The following P4HA3 variants were observed in gnomAD, a reference collection of about 807,000 sequenced individuals.
P4HA3 encodes the protein prolyl 4-hydroxylase subunit alpha-3.
A neutral mutation model predicts 66.7 loss-of-function variants in P4HA3; 60 were observed. The ratio of observed to expected loss-of-function variants is 0.90; its 90% CI spans 0.73 to 1.12. The LOEUF (loss-of-function observed/expected upper bound fraction) is 1.12. Among genes scored for constraint, P4HA3 ranks in the 50% most tolerant of loss-of-function variants. P4HA3 has a pLI of 0.00. For missense variants in P4HA3, 683 were observed against 685.8 expected (o/e 1.00, Z 0.05); for synonymous variants, 263 against 274.6 (o/e 0.96, Z 0.42).
At chr11:74,274,821 C>T (rs892435890) in intron 9 of P4HA3, among the ~76,000 whole-genome samples, 2 of 152,118 alleles carry the variant, frequency 1.3e-5, no homozygotes, top group Non-Finnish European at 2.9e-5. Context: ...TGTATGAGAG[C>T]TTCAGTTCCT....
chr11:74,290,507 T>G (rs372382499), intron 4 of P4HA3, among the ~76,000 whole-genome samples: 5,369 of 150,154 alleles, frequency 0.036, 103 homozygotes, highest in Middle Eastern at 0.09. Context: ...TTTTAGACAT[T>G]AAGTCCTTGC....
downstream of P4HA3, among the ~76,000 whole-genome samples, chr11:74,265,091 T>G (rs998961253): frequency 2.6e-5 from 4 of 152,230 alleles, no homozygotes; most frequent in African/African-American, 7.2e-5. Flanking sequence ...GAGCATTAAA[T>G]ATTTAATGCA....
chr11:74,286,178 C>A, intron 6 of P4HA3, 50 bp downstream of exon 6: 1 of 1,581,714 alleles, frequency 6.3e-7, no homozygotes, highest in South Asian at 1.2e-5. Flanking sequence ...TCTAGCTTCT[C>A]AAACTCTAGC....
intron 4 of P4HA3, among the ~76,000 whole-genome samples, chr11:74,292,726 G>A (rs1177771557): frequency 1.3e-5 from 2 of 152,140 alleles, no homozygotes; most frequent in Non-Finnish European, 2.9e-5. Flanking sequence ...TCAGGAGCAG[G>A]TTGTTCAGTT....
chr11:74,273,998 T>C (rs916922670), intron 9 of P4HA3, among the ~76,000 whole-genome samples: 6 of 152,098 alleles, frequency 3.9e-5, no homozygotes, highest in Admixed American at 2.0e-4. Flanking sequence ...TGAAGAGACA[T>C]ACTCTTTTTT....
Position 74,286,317 on chromosome 11 carries a change from C to T in P4HA3, c.844G>A (p.Val282Ile), listed in dbSNP as rs1485263628. 6.2e-7 allele frequency: 1 copy of T among 1,609,016 alleles called. No individual in the cohort carries two copies. Among genetic ancestry groups the T allele is most frequent in the Non-Finnish European group, 8.5e-7 (1 of 1,178,086 alleles). Residue 282 changes from valine to isoleucine, a missense_variant, in exon 6 of 13, where the codon GTA (valine) becomes ATA (isoleucine). Physicochemically the swap from Val to Ile is conservative, Grantham distance 29 (BLOSUM62 3). Transcript: ENST00000331597. Reference sequence around the variant, plus strand: ...GGCCTCTGGATGACAGCCTCAGCTACCACGTGGTTGGGGCTCTCTGCCAAG... The same window carrying T: ...GGCCTCTGGATGACAGCCTCAGCTATCACGTGGTTGGGGCTCTCTGCCAAG... Reference protein sequence around the residue: ...RLLAESPNHVVAEAVIQRPNI... With the variant: ...RLLAESPNHVIAEAVIQRPNI...
intron 7 of P4HA3, among the ~76,000 whole-genome samples, chr11:74,281,922 AAAAT>A (rs1178991320): frequency 7.0e-6 from 1 of 143,094 alleles, no homozygotes; most frequent in Non-Finnish European, 1.5e-5. Context: ...AAAAAAATAA[AAAAT>A]AAATAAAATG....
rs759043538 is a variant in P4HA3 at position 74,285,895 on chromosome 11, T to C, written c.1024A>G (p.Ile342Val). 3 of 1,613,500 alleles carry C rather than the reference T, an allele frequency of 1.9e-6. No individual in the cohort carries two copies. The highest frequency in any genetic ancestry group is 2.5e-6 in the Non-Finnish European group (3 of 1,179,438). ...LLLQPIRKEV[I>V]HLEPYIALYH... ...AGAGCAATGTAGGGCTCCAGGTGGATGACCTCCTTCCGGATGGGCTGGAGC... is the reference window on the plus strand; with the variant it reads ...AGAGCAATGTAGGGCTCCAGGTGGACGACCTCCTTCCGGATGGGCTGGAGC... Residue 342 changes from isoleucine (I) to valine (V), a missense_variant, in exon 7 of 13, where the codon ATC (isoleucine) becomes GTC (valine). By Grantham distance (29) the Ile-to-Val change is conservative. Transcript: ENST00000331597.
rs373447456 is a variant in P4HA3 at position 74,302,317 on chromosome 11, T to C, written c.567+52A>G. ...AAAATCAATCGGTACATAGTTATTTTATCCATAAGAAACCAGAGCCAAGCA... is the reference window on the plus strand; with the variant it reads ...AAAATCAATCGGTACATAGTTATTTCATCCATAAGAAACCAGAGCCAAGCA... On this transcript the variant is annotated intron_variant, in intron 3 of 12. Transcript: ENST00000331597. 2,942 of 1,468,434 alleles carry C rather than the reference T, an allele frequency of 2.0e-3. 4 individuals are homozygous for C. Among genetic ancestry groups the C allele is most frequent in the Middle Eastern group, 2.4e-3 (10 of 4,088 alleles). The allele number at this position is 1,468,434 out of a possible 1,614,324, so 91.0% of individuals were successfully genotyped here. A position where few individuals can be genotyped will look rare whatever the true frequency, so the allele number is the denominator to read the frequency against.
intron 9 of P4HA3, 44 bp downstream of exon 9, chr11:74,276,941 C>G (rs771562647): frequency 6.4e-7 from 1 of 1,567,604 alleles, no homozygotes; most frequent in Non-Finnish European, 8.7e-7. Flanking sequence ...AAATAATGCC[C>G]TGGCTCCCTA....
At chr11:74,276,154 G>C (rs1195957000) in intron 9 of P4HA3, among the ~76,000 whole-genome samples, 2 of 152,190 alleles carry the variant, frequency 1.3e-5, no homozygotes, top group South Asian at 4.1e-4. Context: ...CTGCAAAATG[G>C]GGGAGGGTGA....
intron 4 of P4HA3, among the ~76,000 whole-genome samples, chr11:74,294,585 C>G (rs1000287799): frequency 6.6e-6 from 1 of 152,130 alleles, no homozygotes; most frequent in South Asian, 2.1e-4. Flanking sequence ...TTTTATCTAC[C>G]TTTGGTCTTT....
intron 4 of P4HA3, among the ~76,000 whole-genome samples, chr11:74,291,705 T>A (rs543430826): frequency 4.5e-4 from 69 of 152,350 alleles, no homozygotes; most frequent in African/African-American, 1.5e-3. Context: ...GAGATAATCA[T>A]GTGGTTTTTG....
chr11:74,306,100 A>G, intron 1 of P4HA3, among the ~76,000 whole-genome samples: 1 of 152,104 alleles, frequency 6.6e-6, no homozygotes, highest in East Asian at 1.9e-4. Flanking sequence ...GCACAAGACA[A>G]GGAGACTCTG....
At chr11:74,311,340 G>T (rs904644662) in intron 1 of P4HA3, 72 bp downstream of exon 1, 7 of 1,393,826 alleles carry the variant, frequency 5.0e-6, no homozygotes, top group Non-Finnish European at 6.5e-6. Flanking sequence ...CACTCAACCT[G>T]AGTCACCCCA....
chr11:74,295,314 C>T (rs576617249), intron 4 of P4HA3, among the ~76,000 whole-genome samples: 4 of 152,256 alleles, frequency 2.6e-5, no homozygotes, highest in African/African-American at 9.6e-5. Context: ...CTCCCTGCAG[C>T]CATTCAACCT....
At chr11:74,279,548 A>G (rs896079375) in intron 7 of P4HA3, 96 bp from the exon 8 acceptor site, 2 of 1,165,600 alleles carry the variant, frequency 1.7e-6, no homozygotes, top group African/African-American at 3.0e-5. Context: ...AAGCATCAAC[A>G]TAACAGATGC....
chr11:74,253,475 T>C, intron 15 of P4HA3: 1 of 1,603,582 alleles, frequency 6.2e-7, no homozygotes. Flanking sequence ...TTTCCTTCTC[T>C]TTCTGTTCTT....
At chr11:74,284,420 T>C (rs952293717) in intron 7 of P4HA3, among the ~76,000 whole-genome samples, 18 of 152,186 alleles carry the variant, frequency 1.2e-4, no homozygotes, top group Admixed American at 2.6e-4. Context: ...CTTTTTCCTC[T>C]TCCATGAGAC....
Sources: allele counts gnomAD v4.1 joint callset (sites outside exome capture counted in the v4.1 genomes callset), GRCh38; gene constraint gnomAD v4.1.1; transcripts MANE v1.5; gene names NCBI Gene and HGNC (gene_info 2026-07-23, HGNC 2026-07-21).